Variants in MAPK10 observed in about 807,000 individuals in gnomAD.
The protein encoded by MAPK10 is JNK3 alpha protein kinase.
MAPK10 carries 25 observed loss-of-function variants against 59.3 expected under a neutral mutation model. The ratio of observed to expected loss-of-function variants is 0.42; its 90% CI spans 0.31 to 0.59. The LOEUF (loss-of-function observed/expected upper bound fraction) is 0.59. Ranked by LOEUF, MAPK10 falls within the 20% of genes least tolerant of loss-of-function variation. The pLI is 0.15. For missense variants in MAPK10, 351 were observed against 568.9 expected, an observed-to-expected ratio of 0.62 and a Z score of 3.90; for synonymous variants, 190 against 200.5, an observed-to-expected ratio of 0.95 and a Z score of 0.44.
intron 2 of MAPK10, among the ~76,000 whole-genome samples, chr4:86,302,495 T>G (rs1216176487): frequency 6.6e-6 from 1 of 152,242 alleles, no homozygotes; most frequent in Non-Finnish European, 1.5e-5. Flanking sequence ...TGACAGAAAC[T>G]GGCCTCTGTT....
At chr4:86,587,875 G>A (rs1762745523) in intron 1 of MAPK10, among the ~76,000 whole-genome samples, 1 of 152,148 alleles carries the variant, frequency 6.6e-6, no homozygotes, top group Admixed American at 6.6e-5. Flanking sequence ...GATGAAGCTG[G>A]GTGTGGCAAT....
chr4:86,510,900 C>T (rs1756180812), intron 1 of MAPK10, among the ~76,000 whole-genome samples: 1 of 151,818 alleles, frequency 6.6e-6, no homozygotes, highest in African/African-American at 2.4e-5. Context: ...GGGAGGGAGG[C>T]ATGAAGAGAG....
chr4:86,208,472 G>A (rs1054091615), intron 2 of MAPK10, among the ~76,000 whole-genome samples: 13 of 149,156 alleles, frequency 8.7e-5, no homozygotes, highest in Non-Finnish European at 1.8e-4. Flanking sequence ...CATATAAACA[G>A]AGCCAAAGAC....
At chr4:86,202,035 G>A (rs2082730721) in intron 2 of MAPK10, among the ~76,000 whole-genome samples, 1 of 151,790 alleles carries the variant, frequency 6.6e-6, no homozygotes, top group African/African-American at 2.4e-5. Flanking sequence ...GTGCTTTAAA[G>A]AGGCAATTAT....
intron 1 of MAPK10, among the ~76,000 whole-genome samples, chr4:86,372,291 G>A (rs1226422193): frequency 2.0e-5 from 3 of 152,038 alleles, no homozygotes; most frequent in Admixed American, 6.6e-5. Context: ...AGCTGAGGTG[G>A]GCAGATCACG....
At chr4:86,133,736 CAACT>C (rs1428802135) in intron 4 of MAPK10, among the ~76,000 whole-genome samples, 1 of 152,148 alleles carries the variant, frequency 6.6e-6, no homozygotes, top group Non-Finnish European at 1.5e-5. Context: ...CTGGTGGCTC[CAACT>C]GAGATTAAGT....
intron 2 of MAPK10, among the ~76,000 whole-genome samples, chr4:86,207,826 A>C (rs2084560951): frequency 6.6e-6 from 1 of 152,064 alleles, no homozygotes; most frequent in South Asian, 2.1e-4. Context: ...ATGGGAGTTC[A>C]CTCATGATTT....
chr4:86,210,466 C>G (rs1036514922), intron 2 of MAPK10, among the ~76,000 whole-genome samples: 1 of 151,568 alleles, frequency 6.6e-6, no homozygotes, highest in Non-Finnish European at 1.5e-5. Flanking sequence ...ATTTAATGTT[C>G]AATAATAATT....
intron 5 of MAPK10, among the ~76,000 whole-genome samples, chr4:86,104,534 A>C (rs982054610): frequency 2.0e-5 from 3 of 152,128 alleles, no homozygotes; most frequent in Non-Finnish European, 2.9e-5. Context: ...GGACTTTATC[A>C]ATCTCATAAA....
chr4:86,448,522 T>C (rs112155111), intron 1 of MAPK10, among the ~76,000 whole-genome samples: 5,217 of 152,260 alleles, frequency 0.034, 160 homozygotes, highest in Non-Finnish European at 0.052. Context: ...TTGTGTTCTT[T>C]AGTAATATTT....
chr4:86,194,019 C>T (rs972670354), intron 3 of MAPK10: 11 of 297,420 alleles, frequency 3.7e-5, no homozygotes, highest in Non-Finnish European at 6.3e-5. Flanking sequence ...TGACCCCTTG[C>T]ACTTCCTGGG....
chr4:86,506,227 A>G (rs1220209038), intron 1 of MAPK10, among the ~76,000 whole-genome samples: 1 of 152,182 alleles, frequency 6.6e-6, no homozygotes, highest in Non-Finnish European at 1.5e-5. Flanking sequence ...GGAATCTTTT[A>G]TTGAGGAACT....
At chr4:86,408,402 T>C (rs1321505278) in intron 1 of MAPK10, among the ~76,000 whole-genome samples, 2 of 152,184 alleles carry the variant, frequency 1.3e-5, no homozygotes, top group Non-Finnish European at 2.9e-5. Flanking sequence ...TAAAAATCCT[T>C]TGGGTATATA....
chr4:86,242,293 A>C (rs2092777326), intron 2 of MAPK10, among the ~76,000 whole-genome samples: 1 of 152,040 alleles, frequency 6.6e-6, no homozygotes, highest in East Asian at 1.9e-4. Context: ...TCCCATATAG[A>C]GTGTCTGACA....
intron 1 of MAPK10, among the ~76,000 whole-genome samples, chr4:86,496,100 G>C (rs763006474): frequency 1.3e-5 from 2 of 152,044 alleles, no homozygotes; most frequent in African/African-American, 2.4e-5. Flanking sequence ...CACAAGAAAA[G>C]TTCAAAAAAG....
intron 1 of MAPK10, among the ~76,000 whole-genome samples, chr4:86,536,891 C>A (rs1432535036): frequency 6.6e-6 from 1 of 152,114 alleles, no homozygotes; most frequent in Non-Finnish European, 1.5e-5. Context: ...GGTTATAAAG[C>A]CTTTCAGCAG....
intron 1 of MAPK10, among the ~76,000 whole-genome samples, chr4:86,380,232 C>CA (rs1447707707): frequency 2.6e-5 from 4 of 151,952 alleles, no homozygotes; most frequent in African/African-American, 9.7e-5. Flanking sequence ...AAAAAAAGAA[C>CA]AAAAACAAAC....
intron 2 of MAPK10, among the ~76,000 whole-genome samples, chr4:86,217,363 T>C (rs1404033080): frequency 6.6e-6 from 1 of 152,220 alleles, no homozygotes; most frequent in African/African-American, 2.4e-5. Context: ...ATTAATAAAA[T>C]ATTCTTAAAT....
intron 2 of MAPK10, among the ~76,000 whole-genome samples, chr4:86,318,920 C>T (rs1314338047): frequency 6.6e-6 from 1 of 152,064 alleles, no homozygotes; most frequent in Admixed American, 6.6e-5. Context: ...TAAAGTGGGA[C>T]AGCCTAGATT....
Sources: allele counts gnomAD v4.1 joint callset (sites outside exome capture counted in the v4.1 genomes callset), GRCh38; gene constraint gnomAD v4.1.1; transcripts MANE v1.5; gene names NCBI Gene and HGNC (gene_info 2026-07-23, HGNC 2026-07-21).